The following FREM1 variants were observed in gnomAD, a reference collection of about 807,000 sequenced individuals.
FREM1 encodes the protein FRAS1-related extracellular matrix protein 1.
Under a neutral mutation model 210.1 loss-of-function variants are expected in FREM1, and 220 were observed. The observed-to-expected ratio is 1.05, with a 90% CI of 0.94 to 1.17. FREM1 has a LOEUF of 1.17. FREM1 is among the 50% of genes most tolerant of loss of function. FREM1 has a pLI of 0.00. For missense variants in FREM1, 3,454 were observed against 2,675.5 expected, an observed-to-expected ratio of 1.29 and a Z score of -6.42; for synonymous variants, 1,189 against 980.2, an observed-to-expected ratio of 1.21 and a Z score of -3.98.
chr9:14,747,743 G>A lies in FREM1; in HGVS notation c.5797-15C>T, dbSNP rs1202399889. On this transcript the variant is annotated splice_polypyrimidine_tract_variant and intron_variant, in intron 31 of 36. Coordinates refer to ENST00000380880, the MANE Select transcript of FREM1 (RefSeq NM_001379081.2). ...GATGGACGAACCTGAAATTGACAGAGAACAAAATATGAACAGAATTGGATT... is the reference window on the plus strand; with the variant it reads ...GATGGACGAACCTGAAATTGACAGAAAACAAAATATGAACAGAATTGGATT... 1.1e-5 allele frequency: 16 copies of A among 1,510,266 alleles called. No individual in the cohort carries two copies. Among genetic ancestry groups the A allele is most frequent in the African/African-American group, 1.4e-5 (1 of 71,958 alleles). The allele number at this position is 1,510,266 out of a possible 1,614,324, so 93.6% of individuals were successfully genotyped here.
chr9:14,895,488 C>T (rs1837547546), intron 1 of FREM1, among the ~76,000 whole-genome samples: 1 of 152,100 alleles, frequency 6.6e-6, no homozygotes. Context: ...ATGTAAAAAT[C>T]TGGATCAATA....
At position 14,784,443 on chromosome 9, in the gene FREM1, G is replaced by C; in HGVS notation, c.4369C>G (p.Gln1457Glu). 1 of 1,613,820 alleles carries C rather than the reference G, an allele frequency of 6.2e-7. No homozygotes were observed. The highest frequency in any genetic ancestry group is 1.7e-5 in the Admixed American group (1 of 60,000). ...YPGVPITNFS[Q>E]MDVVGQTVCY... ...ACTGTCTGCCCCACTACATCCATTT[G>C]GCTGAAGTTTGTAATGGGAACTCCA... is the stretch of plus-strand genomic sequence containing the variant. Residue 1457 changes from glutamine to glutamate, a missense_variant, in exon 24 of 37, where the codon CAA becomes GAA. Gln to Glu is a conservative substitution (Grantham distance 29). Coordinates refer to ENST00000380880, the MANE Select transcript of FREM1 (RefSeq NM_001379081.2).
chr9:14,806,914 A>G (rs1034041727), intron 17 of FREM1, 68 bp from the exon 18 acceptor site: 11 of 909,152 alleles, frequency 1.2e-5, no homozygotes, highest in Non-Finnish European at 1.7e-5. Flanking sequence ...GTAGGACAAA[A>G]TGCAGTGACT....
chr9:14,894,629 G>A (rs1265505964), intron 1 of FREM1, among the ~76,000 whole-genome samples: 3 of 152,184 alleles, frequency 2.0e-5, no homozygotes, highest in East Asian at 3.9e-4. Flanking sequence ...TGCTTAAAAC[G>A]GTGCTAATCC....
chr9:14,848,871 T>G, intron 6 of FREM1, 98 bp from the exon 7 acceptor site: 1 of 601,280 alleles, frequency 1.7e-6, no homozygotes, highest in Non-Finnish European at 2.9e-6. Flanking sequence ...GATTCAGTTT[T>G]CTGCGGGGAT....
intron 4 of FREM1, among the ~76,000 whole-genome samples, chr9:14,858,369 T>TA (rs932873409): frequency 5.2e-4 from 79 of 151,710 alleles, no homozygotes; most frequent in South Asian, 3.3e-3. Context: ...ACTTTCAAAT[T>TA]AAAAAAAAAT....
At chr9:14,740,073 G>A (rs1045886159) in intron 36 of FREM1, 76 bp downstream of exon 36, 6 of 835,128 alleles carry the variant, frequency 7.2e-6, no homozygotes, top group Non-Finnish European at 1.2e-5. Flanking sequence ...ATGGAAGGAA[G>A]TAGCAGGGTG....
chr9:14,798,630 T>C (rs74869083), intron 20 of FREM1, among the ~76,000 whole-genome samples: 4,654 of 152,144 alleles, frequency 0.031, 100 homozygotes, highest in Non-Finnish European at 0.048. Flanking sequence ...ATAATAAGTC[T>C]ATATGATGAT....
At chr9:14,906,277 T>G (rs940374766) in intron 1 of FREM1, among the ~76,000 whole-genome samples, 1 of 152,118 alleles carries the variant, frequency 6.6e-6, no homozygotes, top group African/African-American at 2.4e-5. Flanking sequence ...CAGGTGAAAT[T>G]TTTTCAAAGG....
At position 14,882,912 on chromosome 9, in the gene FREM1, C is replaced by CAAAA. The variant is rs71323913; in HGVS notation, c.-267-13672_-267-13669dup. The stretch of plus-strand genomic sequence containing the variant: ...AGGGCAGCAGAGCGAGACTCCATCT[C>CAAAA]AAAAAAAAAAAAAAAAGGAATCACC... On this transcript the variant is annotated intron_variant, in intron 1 of 36. Transcript: ENST00000380880. 5.9e-4 allele frequency among the ~76,000 whole-genome samples: 27 copies of CAAAA among 45,416 alleles called. 4 individuals carry two copies. Among genetic ancestry groups the CAAAA allele is most frequent in the Admixed American group, 8.4e-4 (2 of 2,392 alleles). 29.8% of individuals were successfully genotyped at this position (45,416 alleles called of 152,430 possible). A position where few individuals can be genotyped will look rare whatever the true frequency, so the allele number is the denominator to read the frequency against.
intron 10 of FREM1, among the ~76,000 whole-genome samples, chr9:14,829,498 T>C (rs1033690229): frequency 2.0e-5 from 3 of 151,948 alleles, no homozygotes; most frequent in African/African-American, 7.3e-5. Context: ...AGGGGCCCAA[T>C]GGTGTTTAGG....
Position 14,851,207 on chromosome 9 carries a change from T to C in FREM1, c.1152+77A>G, listed in dbSNP as rs976643127. Reference sequence around the variant, plus strand: ...GAGGCAATGAATGTACAAAGGAACCTGAGGGTTTAGGGTAGGGGGTTCTTA... The same window carrying C: ...GAGGCAATGAATGTACAAAGGAACCCGAGGGTTTAGGGTAGGGGGTTCTTA... On this transcript the variant is annotated intron_variant, in intron 6 of 36. Transcript: ENST00000380880. 3.8e-6 allele frequency: 4 copies of C among 1,056,370 alleles called. No individual in the cohort carries two copies. In the Admixed American group the frequency reaches 7.4e-5, roughly 20 times the overall value. 65.4% of individuals were successfully genotyped at this position (1,056,370 alleles called of 1,614,324 possible). A position where few individuals can be genotyped will look rare whatever the true frequency, so the allele number is the denominator to read the frequency against.
At chr9:14,817,292 G>C (rs1588149214) in intron 14 of FREM1, among the ~76,000 whole-genome samples, 1 of 152,134 alleles carries the variant, frequency 6.6e-6, no homozygotes, top group East Asian at 1.9e-4. Context: ...CTAAGGCTAG[G>C]CTAATCCTTC....
At chr9:14,903,598 G>A (rs1588679856) in intron 1 of FREM1, among the ~76,000 whole-genome samples, 1 of 152,088 alleles carries the variant, frequency 6.6e-6, no homozygotes, top group Non-Finnish European at 1.5e-5. Context: ...TCCGATTGCA[G>A]GAGAATCATA....
chr9:14,747,144 G>A, intron 33 of FREM1, 93 bp from the exon 34 acceptor site: 1 of 1,588,426 alleles, frequency 6.3e-7, no homozygotes, highest in South Asian at 1.1e-5. Flanking sequence ...TTGTTGGGAA[G>A]CATTTGTGTT....
intron 17 of FREM1, among the ~76,000 whole-genome samples, chr9:14,807,460 A>T (rs10121908): frequency 0.25 from 38,176 of 151,874 alleles, 5,288 homozygotes; most frequent in East Asian, 0.61. Flanking sequence ...CAGAACATAT[A>T]CATAATGCCT....
At chr9:14,771,171 G>T (rs181222383) in intron 25 of FREM1, among the ~76,000 whole-genome samples, 1 of 152,266 alleles carries the variant, frequency 6.6e-6, no homozygotes, top group Admixed American at 6.5e-5. Flanking sequence ...TCTATTAAAT[G>T]AATACACTAA....
chr9:14,897,819 C>G (rs1451831474), intron 1 of FREM1, among the ~76,000 whole-genome samples: 1 of 152,130 alleles, frequency 6.6e-6, no homozygotes, highest in Admixed American at 6.5e-5. Flanking sequence ...GTCTCGAACT[C>G]CTGTCCTTAA....
At chr9:14,891,922 T>C (rs1176332295) in intron 1 of FREM1, among the ~76,000 whole-genome samples, 1 of 152,226 alleles carries the variant, frequency 6.6e-6, no homozygotes, top group Non-Finnish European at 1.5e-5. Flanking sequence ...GGGAGATTTA[T>C]AATCAGGTAT....
Sources: gnomAD v4.1 joint callset for allele counts (sites outside exome capture counted in the v4.1 genomes callset) on GRCh38, gnomAD v4.1.1 for gene constraint, MANE v1.5 for transcripts, NCBI Gene and HGNC (gene_info 2026-07-23, HGNC 2026-07-21) for gene names.